MBNL1: variants seen among roughly 807,000 people sequenced by gnomAD.
The protein encoded by MBNL1 is muscleblind like splicing regulator 1, also known as muscleblind-like protein 1.
MBNL1 carries 8 observed loss-of-function variants against 42.2 expected under a neutral mutation model. The ratio of observed to expected loss-of-function variants is 0.19; its 90% CI spans 0.11 to 0.34. The LOEUF is 0.34. MBNL1 is among the 10% of genes least tolerant of loss of function. The probability of loss-of-function intolerance (pLI) is 1.00; values close to 1 mark genes in which losing one functional copy is unlikely to be tolerated. For missense variants in MBNL1, 309 were observed against 495.3 expected, an observed-to-expected ratio of 0.62 and a Z score of 3.57; for synonymous variants, 169 against 173.9, an observed-to-expected ratio of 0.97 and a Z score of 0.22.
intron 2 of MBNL1, among the ~76,000 whole-genome samples, chr3:152,310,611 T>C (rs2065804689): frequency 6.6e-6 from 1 of 152,260 alleles, no homozygotes; most frequent in Non-Finnish European, 1.5e-5. Flanking sequence ...CTGTGCTGTT[T>C]AAAACATGCT....
chr3:152,391,766 A>G (rs971677167), intron 2 of MBNL1, among the ~76,000 whole-genome samples: 1 of 152,242 alleles, frequency 6.6e-6, no homozygotes, highest in Non-Finnish European at 1.5e-5. Flanking sequence ...TGAAAAGGCA[A>G]CTTTGATTAG....
intron 2 of MBNL1, among the ~76,000 whole-genome samples, chr3:152,245,841 A>T (rs1189862338): frequency 6.6e-6 from 1 of 152,142 alleles, no homozygotes; most frequent in Admixed American, 6.6e-5. Context: ...GACATACTTA[A>T]CTCGATGAAA....
chr3:152,268,680 G>A (rs2037992271), upstream of MBNL1: 1 of 438,928 alleles, frequency 2.3e-6, no homozygotes, highest in Admixed American at 2.5e-5. Flanking sequence ...TGCTCTCGGC[G>A]CCGCTGGGCG....
At chr3:152,244,426 T>C (rs558102262) in exon 2 of MBNL1, 1 of 100,396 alleles carries the variant, frequency 1.0e-5, no homozygotes, top group South Asian at 3.3e-4. Flanking sequence ...CAAGCAACTA[T>C]AACTAAGCAT....
Position 152,414,863 on chromosome 3 carries a change from G to C in MBNL1, c.175-78G>C, listed in dbSNP as rs558603178. The C allele has an allele frequency of 4.3e-6, 6 of 1,399,920 alleles. No homozygotes were observed. In the African/African-American group the frequency reaches 8.6e-5, roughly 20 times the overall value. 86.7% of individuals were successfully genotyped at this position (1,399,920 alleles called of 1,614,324 possible). The stretch of plus-strand genomic sequence containing the variant: ...AAACCAATGATACATTCAAGTGGGT[G>C]GTTTGCATTATATTTTTTTCATAAT... On this transcript the variant is annotated intron_variant, in intron 2 of 9. Coordinates refer to ENST00000324210, the MANE Select transcript of MBNL1 (RefSeq NM_021038.5).
In MBNL1 at chr3:152,299,942, C is replaced by G. The variant is rs1577377822; in HGVS notation, c.-252C>G. ...TTTTAAACGTTCATCTACTTACAAT[C>G]CTAGTATTTCTCTAAAAACCAAAAC... On this transcript the variant is annotated 5_prime_UTR_variant, in exon 2 of 10. In the 5' UTR this introduces an upstream ATG that the reference lacks. Coordinates refer to ENST00000324210, the MANE Select transcript of MBNL1 (RefSeq NM_021038.5). The G allele has an allele frequency of 2.3e-5, 11 of 478,890 alleles. No individual in the cohort carries two copies. The East Asian group carries it at 3.6e-4, about 16-fold the overall frequency. The allele number at this position is 478,890 out of a possible 1,614,324, so 29.7% of individuals were successfully genotyped here.
At chr3:152,336,912 AC>A (rs2090611592) in intron 2 of MBNL1, among the ~76,000 whole-genome samples, 1 of 152,230 alleles carries the variant, frequency 6.6e-6, no homozygotes, top group Non-Finnish European at 1.5e-5. Context: ...AATTACACAC[AC>A]ATAACTGCTT....
chr3:152,442,973 T>A lies in MBNL1; in HGVS notation c.550-2309T>A, dbSNP rs542527257. Among the ~76,000 whole-genome samples, 8 of 151,292 alleles carry A rather than the reference T, an allele frequency of 5.3e-5. No individual in the cohort carries two copies. The South Asian group carries it at 8.3e-4, about 16-fold the overall frequency. On this transcript the variant is annotated intron_variant, in intron 4 of 9. Coordinates refer to ENST00000324210, the MANE Select transcript of MBNL1 (RefSeq NM_021038.5). ...AGAAACCGTAAGCTGTAAAAAAAAATAAAAATATGAAAGAGTCAAACATGC... is the reference window on the plus strand; with the variant it reads ...AGAAACCGTAAGCTGTAAAAAAAAAAAAAAATATGAAAGAGTCAAACATGC...
At chr3:152,363,213 T>A (rs191528636) in intron 2 of MBNL1, among the ~76,000 whole-genome samples, 176 of 152,308 alleles carry the variant, frequency 1.2e-3, no homozygotes, top group African/African-American at 4.0e-3. Flanking sequence ...TAATATATAT[T>A]TTTTTCACTT....
At chr3:152,350,742 C>G (rs1033555261) in intron 2 of MBNL1, among the ~76,000 whole-genome samples, 3 of 152,110 alleles carry the variant, frequency 2.0e-5, no homozygotes, top group African/African-American at 7.2e-5. Context: ...CTAATACTAC[C>G]TGCATTTTGG....
intron 2 of MBNL1, among the ~76,000 whole-genome samples, chr3:152,244,966 A>T (rs1323415852): frequency 6.6e-6 from 1 of 152,090 alleles, no homozygotes; most frequent in East Asian, 1.9e-4. Context: ...CTTTATGATG[A>T]TATTTGTTTA....
At chr3:152,243,781 A>G (rs1263109229), upstream of MBNL1, 1 of 152,134 alleles carries the variant, frequency 6.6e-6, no homozygotes, top group Non-Finnish European at 1.5e-5. Flanking sequence ...AACGAGCACT[A>G]CTTAATCAAG....
chr3:152,264,157 A>AT (rs2036795460), upstream of MBNL1: 3 of 152,004 alleles, frequency 2.0e-5, no homozygotes, highest in South Asian at 6.2e-4. Flanking sequence ...TTTTTGACTT[A>AT]TTTTTTGTTG....
chr3:152,295,396 A>T (rs1453574013), intron 1 of MBNL1, among the ~76,000 whole-genome samples: 1 of 152,218 alleles, frequency 6.6e-6, no homozygotes, highest in Non-Finnish European at 1.5e-5. Flanking sequence ...TTGGGGTACC[A>T]GTCTTCTTAC....
chr3:152,439,577 A>G (rs2099120654), intron 4 of MBNL1, among the ~76,000 whole-genome samples: 1 of 152,168 alleles, frequency 6.6e-6, no homozygotes, highest in East Asian at 1.9e-4. Context: ...TCTGTAATAA[A>G]CTTTAGAATG....
chr3:152,367,835 A>C (rs1042402843), intron 2 of MBNL1, among the ~76,000 whole-genome samples: 3 of 152,046 alleles, frequency 2.0e-5, no homozygotes, highest in Non-Finnish European at 4.4e-5. Flanking sequence ...TTCTTTTGAG[A>C]AATGTGAGTT....
intron 6 of MBNL1, 110 bp downstream of exon 6, chr3:152,447,883 A>T (rs1713257780): frequency 1.0e-6 from 1 of 959,488 alleles, no homozygotes; most frequent in South Asian, 2.2e-5. Flanking sequence ...ATGAGGTGTC[A>T]GGTAAGGTGG....
intron 2 of MBNL1, among the ~76,000 whole-genome samples, chr3:152,313,810 C>T (rs749518601): frequency 2.0e-5 from 3 of 152,166 alleles, no homozygotes; most frequent in Non-Finnish European, 4.4e-5. Flanking sequence ...GAGAAAATAA[C>T]CCCTTAACCT....
chr3:152,264,123 C>T (rs1435141131), upstream of MBNL1: 1 of 152,112 alleles, frequency 6.6e-6, no homozygotes, highest in Non-Finnish European at 1.5e-5. Flanking sequence ...GAAATTACCT[C>T]ATATGTTTAT....
Sources: allele counts gnomAD v4.1 joint callset (sites outside exome capture counted in the v4.1 genomes callset), GRCh38; gene constraint gnomAD v4.1.1; transcripts MANE v1.5; gene names NCBI Gene and HGNC (gene_info 2026-07-23, HGNC 2026-07-21).